Variants in NOX4 observed in about 807,000 individuals in gnomAD.
The protein encoded by NOX4 is kidney oxidase-1.
Under a neutral mutation model 87.6 loss-of-function variants are expected in NOX4, and 69 were observed. The ratio of observed to expected loss-of-function variants is 0.79; its 90% CI spans 0.65 to 0.96. NOX4 has a LOEUF of 0.96. Ranked by LOEUF, NOX4 falls within the 40% of genes least tolerant of loss-of-function variation. The pLI, the probability that NOX4 is intolerant of heterozygous loss-of-function variation, is 0.00. For missense variants in NOX4, 680 were observed against 681.5 expected (o/e 1.00, Z 0.02); for synonymous variants, 275 against 238.2 (o/e 1.15, Z -1.42).
chr11:89,412,094 G>C lies in NOX4; in HGVS notation c.630-9552C>G, dbSNP rs375584090. On this transcript the variant is annotated intron_variant, in intron 8 of 17. Transcript: ENST00000263317. ...ACCAAAAAAATCATAATGTGATAAA[G>C]GGGTCAATTCAGCAAGATGAGATAA... Among the ~76,000 whole-genome samples, 134 of 152,244 alleles carry C rather than the reference G, an allele frequency of 8.8e-4. 1 individual carries two copies. Among genetic ancestry groups the C allele is most frequent in the African/African-American group, 2.8e-3 (117 of 41,560 alleles).
the NOX4 span, among the ~76,000 whole-genome samples, chr11:89,582,333 C>A: frequency 6.6e-6 from 1 of 151,896 alleles, no homozygotes; most frequent in African/African-American, 2.4e-5. Flanking sequence ...GTGAATAATG[C>A]TACAATGAAC....
intron 17 of NOX4, among the ~76,000 whole-genome samples, chr11:89,334,624 T>A (rs1201860973): frequency 3.3e-5 from 5 of 151,722 alleles, no homozygotes; most frequent in African/African-American, 1.2e-4. Flanking sequence ...TTTAATAAGC[T>A]GGCCTGTACA....
At chr11:89,543,093 A>G in the NOX4 span, among the ~76,000 whole-genome samples, 220 of 152,302 alleles carry the variant, frequency 1.4e-3, 2 homozygotes, top group East Asian at 7.5e-3. Context: ...ATGTGATAGG[A>G]TGAAAGCAAT....
chr11:89,579,916 A>G, the NOX4 span, among the ~76,000 whole-genome samples: 4 of 150,682 alleles, frequency 2.7e-5, no homozygotes, highest in Non-Finnish European at 4.4e-5. Flanking sequence ...GGTCAAATGA[A>G]AAAAAAAAAG....
At chr11:89,553,024 C>T in the NOX4 span, among the ~76,000 whole-genome samples, 1 of 152,080 alleles carries the variant, frequency 6.6e-6, no homozygotes, top group Non-Finnish European at 1.5e-5. Context: ...TGAAAGATAC[C>T]TCCTGCCACT....
intron 12 of NOX4, among the ~76,000 whole-genome samples, chr11:89,370,678 G>T (rs982432762): frequency 6.6e-6 from 1 of 151,926 alleles, no homozygotes; most frequent in African/African-American, 2.4e-5. Context: ...ATCATTTCAA[G>T]AAAAAACACT....
chr11:89,588,325 T>G, the NOX4 span, among the ~76,000 whole-genome samples: 2 of 152,180 alleles, frequency 1.3e-5, no homozygotes, highest in Non-Finnish European at 2.9e-5. Flanking sequence ...CTATTTTTAT[T>G]TTTTTAACCA....
the NOX4 span, among the ~76,000 whole-genome samples, chr11:89,578,046 G>A: frequency 9.9e-5 from 15 of 152,224 alleles, no homozygotes; most frequent in Admixed American, 2.6e-4. Context: ...AGGGCCCTAG[G>A]AGGTGAGTTT....
chr11:89,410,368 G>T (rs1231933731), intron 8 of NOX4, among the ~76,000 whole-genome samples: 4 of 152,252 alleles, frequency 2.6e-5, no homozygotes, highest in Admixed American at 6.5e-5. Context: ...AAAATTGGAA[G>T]AGCCTAGAAG....
the NOX4 span, among the ~76,000 whole-genome samples, chr11:89,524,549 A>T: frequency 6.6e-6 from 1 of 152,118 alleles, no homozygotes; most frequent in East Asian, 1.9e-4. Flanking sequence ...TAAGATTTGA[A>T]TTATCATATT....
intron 2 of NOX4, among the ~76,000 whole-genome samples, chr11:89,476,009 A>G (rs1433706046): frequency 6.6e-6 from 1 of 152,146 alleles, no homozygotes; most frequent in African/African-American, 2.4e-5. Flanking sequence ...GAAAATCCTA[A>G]TATCCTGCCA....
At chr11:89,570,272 A>G in the NOX4 span, among the ~76,000 whole-genome samples, 1 of 152,182 alleles carries the variant, frequency 6.6e-6, no homozygotes, top group Non-Finnish European at 1.5e-5. Flanking sequence ...CAAACACCAC[A>G]TGTTCTCACT....
chr11:89,372,874 GTTTC>G (rs1345890832), intron 12 of NOX4, among the ~76,000 whole-genome samples: 1 of 151,914 alleles, frequency 6.6e-6, no homozygotes, highest in African/African-American at 2.4e-5. Context: ...AGAGAATAAT[GTTTC>G]TTTTATTTAC....
At chr11:89,399,627 CTTTT>C (rs1226277531) in intron 11 of NOX4, among the ~76,000 whole-genome samples, 1 of 141,060 alleles carries the variant, frequency 7.1e-6, no homozygotes, top group Non-Finnish European at 1.6e-5. Flanking sequence ...CCACATCTGG[CTTTT>C]TTTTTTTATT....
chr11:89,534,014 T>C, the NOX4 span: 1 of 152,256 alleles, frequency 6.6e-6, no homozygotes, highest in East Asian at 1.9e-4. Context: ...AAGTTCCTAT[T>C]ACAAAAGGAT....
the NOX4 span, among the ~76,000 whole-genome samples, chr11:89,542,802 G>A: frequency 6.6e-6 from 1 of 152,096 alleles, no homozygotes; most frequent in South Asian, 2.1e-4. Context: ...TTCAATTTAA[G>A]ACTGAAAATT....
At chr11:89,449,036 C>T (rs1019625230) in intron 4 of NOX4, among the ~76,000 whole-genome samples, 2 of 152,086 alleles carry the variant, frequency 1.3e-5, no homozygotes, top group Admixed American at 1.3e-4. Context: ...TGGGGGCCAA[C>T]TTTTGGATAT....
intron 4 of NOX4, among the ~76,000 whole-genome samples, chr11:89,446,627 A>T (rs956512979): frequency 6.6e-6 from 1 of 152,174 alleles, no homozygotes; most frequent in Non-Finnish European, 1.5e-5. Context: ...AAAAGACTAC[A>T]TATAGCATGA....
At chr11:89,359,065 C>T (rs943824424) in intron 12 of NOX4, among the ~76,000 whole-genome samples, 3 of 152,074 alleles carry the variant, frequency 2.0e-5, no homozygotes, top group African/African-American at 7.2e-5. Context: ...GACCTTCATC[C>T]ACTCTTTCTT....
Sources: gnomAD v4.1 joint callset for allele counts (sites outside exome capture counted in the v4.1 genomes callset) on GRCh38, gnomAD v4.1.1 for gene constraint, MANE v1.5 for transcripts, NCBI Gene and HGNC (gene_info 2026-07-23, HGNC 2026-07-21) for gene names.